The following MYH14 variants were observed in gnomAD, a reference collection of about 807,000 sequenced individuals.
MYH14 encodes myosin heavy chain 14.
In MYH14, 123 loss-of-function variants were observed where a neutral mutation model predicts 255.5. That is an observed-to-expected ratio of 0.48 (90% CI 0.42 to 0.56). MYH14 has a LOEUF of 0.56. Among genes scored for constraint, MYH14 ranks in the 20% least tolerant of loss-of-function variants. The pLI is 0.00. For missense variants in MYH14, 2,423 were observed against 2,802.3 expected (o/e 0.86, Z 3.06); for synonymous variants, 1,095 against 1,161.2 (o/e 0.94, Z 1.16).
Position 50,220,247 on chromosome 19 carries a change from T to C in MYH14, c.562+2476T>C, listed in dbSNP as rs142576982. Among the ~76,000 whole-genome samples, 782 of 152,002 alleles carry C rather than the reference T, an allele frequency of 5.1e-3. 2 individuals are homozygous for C. Among genetic ancestry groups the C allele is most frequent in the Non-Finnish European group, 8.3e-3 (565 of 67,982 alleles). ...ATATGAATATATTATACTTATTGAATATGCATATTAAATATGAGCAAATTA... is the reference window on the plus strand; with the variant it reads ...ATATGAATATATTATACTTATTGAACATGCATATTAAATATGAGCAAATTA... On this transcript the variant is annotated intron_variant, in intron 3 of 42. Coordinates refer to ENST00000642316, the MANE Select transcript of MYH14 (RefSeq NM_001145809.2).
intron 12 of MYH14, among the ~76,000 whole-genome samples, chr19:50,248,108 G>T (rs113494366): frequency 0.016 from 2,396 of 151,746 alleles, 71 homozygotes; most frequent in African/African-American, 0.053. Flanking sequence ...AAGGAGGTCA[G>T]GTCAGTGAGG....
At chr19:50,260,383 C>A (rs2034778110) in intron 19 of MYH14, among the ~76,000 whole-genome samples, 1 of 152,196 alleles carries the variant, frequency 6.6e-6, no homozygotes, top group Non-Finnish European at 1.5e-5. Flanking sequence ...CAAGATCTGA[C>A]CACTGCACTC....
intron 1 of MYH14, among the ~76,000 whole-genome samples, chr19:50,206,048 G>C (rs1205521329): frequency 6.6e-6 from 1 of 152,196 alleles, no homozygotes; most frequent in African/African-American, 2.4e-5. Context: ...GTTCCTGCTG[G>C]TTGAGGAAGG....
At chr19:50,254,217 CAAA>C (rs56737609) in intron 16 of MYH14, among the ~76,000 whole-genome samples, 5 of 85,302 alleles carry the variant, frequency 5.9e-5, no homozygotes, top group Admixed American at 2.7e-4. Flanking sequence ...AACTCTGTCT[CAAA>C]AAAAAAAAAA....
intron 40 of MYH14, among the ~76,000 whole-genome samples, chr19:50,304,649 G>A (rs7249982): frequency 0.24 from 36,868 of 151,938 alleles, 5,347 homozygotes; most frequent in Non-Finnish European, 0.32. Flanking sequence ...AAAATTAGAC[G>A]TACCATGGAA....
intron 11 of MYH14, among the ~76,000 whole-genome samples, chr19:50,244,579 G>T (rs1237249311): frequency 6.7e-6 from 1 of 149,136 alleles, no homozygotes; most frequent in Non-Finnish European, 1.5e-5. Flanking sequence ...CGCCTCCCGG[G>T]TTCACACCAT....
intron 22 of MYH14, among the ~76,000 whole-genome samples, chr19:50,265,646 C>A (rs114613730): frequency 0.016 from 2,499 of 152,046 alleles, 57 homozygotes; most frequent in African/African-American, 0.056. Flanking sequence ...TATGATGGAA[C>A]CCTGTCACTA....
chr19:50,277,065 G>A (rs2035538005), intron 29 of MYH14, among the ~76,000 whole-genome samples, 164 bp downstream of exon 29: 1 of 152,216 alleles, frequency 6.6e-6, no homozygotes, highest in African/African-American at 2.4e-5. Flanking sequence ...TTAATGGGGT[G>A]TGGACTATGT....
intron 20 of MYH14, among the ~76,000 whole-genome samples, 187 bp downstream of exon 20, chr19:50,260,902 T>C (rs1271388601): frequency 1.3e-5 from 2 of 151,282 alleles, no homozygotes; most frequent in Non-Finnish European, 3.0e-5. Context: ...TGTGTGTGCA[T>C]GCGTTTGTGT....
rs34015428 is a variant in MYH14 at position 50,264,055 on chromosome 19, CAAA to C, written c.2694+654_2694+656del. Among the ~76,000 whole-genome samples, 8 of 33,392 alleles carry C rather than the reference CAAA, an allele frequency of 2.4e-4. No individual in the cohort carries two copies. In the South Asian group the frequency reaches 4.2e-3, roughly 18 times the overall value. 21.9% of individuals were successfully genotyped at this position (33,392 alleles called of 152,430 possible). ...TGGGCAATACAGCAAAACTCTGTCT[CAAA>C]AAAAAAAAAAAAAAAAAAGAGCAAA... is the stretch of plus-strand genomic sequence containing the variant. On this transcript the variant is annotated intron_variant, in intron 22 of 42. Coordinates refer to ENST00000642316, the MANE Select transcript of MYH14 (RefSeq NM_001145809.2).
intron 22 of MYH14, among the ~76,000 whole-genome samples, chr19:50,265,814 C>G (rs1052118191): frequency 1.3e-5 from 2 of 151,990 alleles, no homozygotes; most frequent in Non-Finnish European, 2.9e-5. Flanking sequence ...GAGTGAGACT[C>G]TGTCTCAAAA....
intron 42 of MYH14, 35 bp from the exon 43 acceptor site, chr19:50,309,605 T>C: frequency 1.2e-6 from 1 of 861,260 alleles, no homozygotes; most frequent in Non-Finnish European, 1.8e-6. Flanking sequence ...CCTCCCCTCA[T>C]TTCATCTCTG....
intron 10 of MYH14, among the ~76,000 whole-genome samples, chr19:50,238,576 C>A (rs547377520): frequency 2.6e-5 from 4 of 152,120 alleles, no homozygotes; most frequent in African/African-American, 9.6e-5. Context: ...TTCAGCCTCC[C>A]GAGCAGCTGA....
intron 2 of MYH14, among the ~76,000 whole-genome samples, chr19:50,213,090 C>T (rs1419296170): frequency 6.6e-6 from 1 of 152,150 alleles, no homozygotes; most frequent in Non-Finnish European, 1.5e-5. Context: ...GTAGCTGGGA[C>T]TACAGGCGCC....
chr19:50,237,891 G>A (rs2033730759), intron 10 of MYH14, among the ~76,000 whole-genome samples: 1 of 152,056 alleles, frequency 6.6e-6, no homozygotes, highest in Admixed American at 6.6e-5. Flanking sequence ...AGGGAGGTGG[G>A]GTGTCCTGTC....
intron 10 of MYH14, among the ~76,000 whole-genome samples, chr19:50,237,624 G>A (rs2033718535): frequency 1.3e-5 from 2 of 152,060 alleles, no homozygotes; most frequent in African/African-American, 4.8e-5. Context: ...CACCGCACCC[G>A]GCCATGAGCA....
intron 8 of MYH14, among the ~76,000 whole-genome samples, chr19:50,229,470 C>T (rs1362854853): frequency 6.6e-6 from 1 of 152,046 alleles, no homozygotes; most frequent in African/African-American, 2.4e-5. Flanking sequence ...CTCCTCTCTA[C>T]TAAAATAAAG....
chr19:50,273,601 G>GGTGTGTGTGTGTGTGTGTGTGTGTGTGT, intron 27 of MYH14, among the ~76,000 whole-genome samples: 1 of 137,476 alleles, frequency 7.3e-6, no homozygotes, highest in Non-Finnish European at 1.6e-5. Flanking sequence ...GAACATGGGG[G>GGTGTGTGTGTGTGTGTGTGTGTGTGTGT]GTGTGTGTGT....
At position 50,250,989 on chromosome 19, in the gene MYH14, C is replaced by G. The variant is rs1250312687; in HGVS notation, c.1830+301C>G. ...ATATGTGCGGGGTGCCATTTGTGTG[C>G]CCAGCTCGGGGCCGAGCAAAGCTGG... On this transcript the variant is annotated intron_variant, in intron 15 of 42. Transcript: ENST00000642316. This position sits in a 1 kb window ranked among gnomAD's most constrained non-coding sequence, Gnocchi z 5.4. Among the ~76,000 whole-genome samples, 1 of 152,158 alleles carries G rather than the reference C, an allele frequency of 6.6e-6. No homozygotes were observed. Among genetic ancestry groups the G allele is most frequent in the Non-Finnish European group, 1.5e-5 (1 of 68,030 alleles).
Sources: allele counts gnomAD v4.1 joint callset (sites outside exome capture counted in the v4.1 genomes callset), GRCh38; gene constraint gnomAD v4.1.1; non-coding constraint Gnocchi (gnomAD v3.1); transcripts MANE v1.5; gene names NCBI Gene and HGNC (gene_info 2026-07-23, HGNC 2026-07-21).